Variants in EHBP1 observed in about 807,000 individuals in gnomAD.
EHBP1 encodes EH domain-binding protein 1.
A neutral mutation model predicts 144.0 loss-of-function variants in EHBP1; 55 were observed. The ratio of observed to expected loss-of-function variants is 0.38; its 90% CI spans 0.31 to 0.48. EHBP1 has a LOEUF of 0.48. EHBP1 is among the 20% of genes least tolerant of loss of function. EHBP1 has a pLI of 0.98. For synonymous variants in EHBP1, 469 were observed against 472.7 expected (o/e 0.99, Z 0.10); for missense variants, 1,200 against 1,364.2 (o/e 0.88, Z 1.90).
At chr2:62,778,747 T>G (rs1476722358) in intron 5 of EHBP1, among the ~76,000 whole-genome samples, 1 of 152,128 alleles carries the variant, frequency 6.6e-6, no homozygotes, top group Non-Finnish European at 1.5e-5. Context: ...AATTTAAGTT[T>G]AAATCCTTCT....
At chr2:62,835,897 T>C (rs2047196017) in intron 7 of EHBP1, among the ~76,000 whole-genome samples, 2 of 151,882 alleles carry the variant, frequency 1.3e-5, no homozygotes, top group Admixed American at 1.3e-4. Context: ...AACTGCAAGG[T>C]GGCAGCGAGG....
chr2:62,804,067 T>C lies in EHBP1; in HGVS notation c.313-22020T>C, dbSNP rs534628710. 1.8e-4 allele frequency among the ~76,000 whole-genome samples: 27 copies of C among 152,346 alleles called. 1 individual carries two copies. The South Asian group carries it at 3.7e-3, about 21-fold the overall frequency. ...AGTACTCTATAAAAAGTAGCTTCTATTGTTATTTCTTCTGGTTTTATGCCT... is the reference window on the plus strand; with the variant it reads ...AGTACTCTATAAAAAGTAGCTTCTACTGTTATTTCTTCTGGTTTTATGCCT... On this transcript the variant is annotated intron_variant, in intron 5 of 22. Coordinates refer to ENST00000431489, the MANE Select transcript of EHBP1 (RefSeq NM_001142616.3).
chr2:62,957,385 C>T (rs1170250541), intron 14 of EHBP1, among the ~76,000 whole-genome samples: 1 of 151,982 alleles, frequency 6.6e-6, no homozygotes, highest in Non-Finnish European at 1.5e-5. Context: ...TATAAAAAGC[C>T]TATAGCAAAC....
intron 5 of EHBP1, among the ~76,000 whole-genome samples, chr2:62,787,831 A>G (rs750496466): frequency 1.3e-5 from 2 of 152,252 alleles, no homozygotes; most frequent in Non-Finnish European, 2.9e-5. Context: ...GCAATTTATC[A>G]TCAAAATGGC....
intron 10 of EHBP1, among the ~76,000 whole-genome samples, chr2:62,900,648 A>G (rs1404232704): frequency 1.4e-5 from 2 of 145,892 alleles, no homozygotes; most frequent in African/African-American, 5.4e-5. Context: ...GGTTGGGAGG[A>G]AGTGTTTTTT....
intron 13 of EHBP1, 60 bp downstream of exon 13, chr2:62,949,222 T>G: frequency 7.2e-7 from 1 of 1,383,290 alleles, no homozygotes; most frequent in South Asian, 1.5e-5. Context: ...TGTTTTTGTT[T>G]CTTTTTGCAT....
chr2:62,691,216 G>A (rs2033892663), intron 1 of EHBP1, among the ~76,000 whole-genome samples: 1 of 152,162 alleles, frequency 6.6e-6, no homozygotes, highest in Non-Finnish European at 1.5e-5. Context: ...GATTACTTCT[G>A]TCTCATATGA....
chr2:62,799,461 C>A (rs1350812698), intron 5 of EHBP1, among the ~76,000 whole-genome samples: 1 of 152,076 alleles, frequency 6.6e-6, no homozygotes, highest in East Asian at 1.9e-4. Context: ...ATTTTTATCA[C>A]CCTGGAGCTG....
intron 5 of EHBP1, among the ~76,000 whole-genome samples, chr2:62,806,105 C>T (rs1328194657): frequency 1.3e-5 from 2 of 151,874 alleles, no homozygotes; most frequent in African/African-American, 2.4e-5. Flanking sequence ...TCAGCCTCCC[C>T]AGGAGCTGGG....
At chr2:62,847,144 A>G (rs2048351238) in intron 7 of EHBP1, among the ~76,000 whole-genome samples, 1 of 152,204 alleles carries the variant, frequency 6.6e-6, no homozygotes, top group African/African-American at 2.4e-5. Context: ...AGAACAAAAC[A>G]AAGTCCTGAA....
chr2:62,720,830 T>TA (rs532976837), intron 2 of EHBP1, among the ~76,000 whole-genome samples: 176 of 152,124 alleles, frequency 1.2e-3, no homozygotes, highest in African/African-American at 4.1e-3. Context: ...TGATGAGCTT[T>TA]AAAAAAAACT....
At chr2:62,770,289 A>G (rs1300325882) in intron 4 of EHBP1, among the ~76,000 whole-genome samples, 1 of 152,256 alleles carries the variant, frequency 6.6e-6, no homozygotes, top group African/African-American at 2.4e-5. Flanking sequence ...TCTAATATCC[A>G]GCATCTCTAA....
intron 7 of EHBP1, among the ~76,000 whole-genome samples, chr2:62,845,490 A>G (rs1412804728): frequency 6.6e-6 from 1 of 152,200 alleles, no homozygotes; most frequent in Non-Finnish European, 1.5e-5. Flanking sequence ...GGTATGACTC[A>G]GCCCTCTGAG....
chr2:62,891,731 C>A (rs2052475380), intron 10 of EHBP1, among the ~76,000 whole-genome samples: 1 of 152,044 alleles, frequency 6.6e-6, no homozygotes, highest in South Asian at 2.1e-4. Context: ...GTGTTAGCAT[C>A]CTCTTCGCAG....
chr2:62,955,414 A>G, intron 13 of EHBP1, 103 bp from the exon 14 acceptor site: 1 of 1,113,786 alleles, frequency 9.0e-7, no homozygotes, highest in Non-Finnish European at 1.3e-6. Context: ...AATCTTATTC[A>G]TAATCTCTAT....
chr2:62,981,404 GCAT>G (rs1469116370), intron 15 of EHBP1, among the ~76,000 whole-genome samples: 1 of 152,176 alleles, frequency 6.6e-6, no homozygotes, highest in Non-Finnish European at 1.5e-5. Flanking sequence ...CCTTCCTGTG[GCAT>G]CATAAAGCCA....
chr2:62,706,978 A>G lies in EHBP1; in HGVS notation c.-214A>G. 1 of 513,060 alleles carries G rather than the reference A, an allele frequency of 1.9e-6. No homozygotes were observed. The highest frequency in any genetic ancestry group is 3.5e-6 in the Non-Finnish European group (1 of 282,880). 31.8% of individuals were successfully genotyped at this position (513,060 alleles called of 1,614,324 possible). The stretch of plus-strand genomic sequence containing the variant: ...GGAACCCCTTCCCACTCATCCTGTC[A>G]CGTATATCATAGTGTTCTTGACTGG... On this transcript the variant is annotated 5_prime_UTR_variant, in exon 2 of 23. Coordinates refer to ENST00000431489, the MANE Select transcript of EHBP1 (RefSeq NM_001142616.3).
At chr2:62,798,275 C>T (rs35801289) in intron 5 of EHBP1, among the ~76,000 whole-genome samples, 26,777 of 151,630 alleles carry the variant, frequency 0.18, 2,800 homozygotes, top group Middle Eastern at 0.35. Context: ...GGCTGAAGCA[C>T]GAGAATCGCT....
In EHBP1 at chr2:62,772,144, A is replaced by G. The variant is rs941387883; in HGVS notation, c.312+752A>G. 4 of 151,306 alleles carry G rather than the reference A, an allele frequency of 2.6e-5. No individual in the cohort carries two copies. The East Asian group carries it at 5.8e-4, about 22-fold the overall frequency. The allele number at this position is 151,306 out of a possible 1,614,324, so 9.4% of individuals were successfully genotyped here. ...GAGCAAGAGAGAGAAAGAAGGAAAGAAAAAGAGAGAAAGAGAGAAAGGGAG... is the reference window on the plus strand; with the variant it reads ...GAGCAAGAGAGAGAAAGAAGGAAAGGAAAAGAGAGAAAGAGAGAAAGGGAG... On this transcript the variant is annotated intron_variant, in intron 5 of 22. Coordinates refer to ENST00000431489, the MANE Select transcript of EHBP1 (RefSeq NM_001142616.3).
Sources: allele counts gnomAD v4.1 joint callset (sites outside exome capture counted in the v4.1 genomes callset), GRCh38; gene constraint gnomAD v4.1.1; transcripts MANE v1.5; gene names NCBI Gene and HGNC (gene_info 2026-07-23, HGNC 2026-07-21).